Variants in FCSK observed in about 807,000 individuals in gnomAD.
FCSK encodes the protein L-fucose kinase.
FCSK carries 123 observed loss-of-function variants against 122.5 expected under a neutral mutation model. That is an observed-to-expected ratio of 1.00 (90% CI 0.87 to 1.17). The LOEUF (loss-of-function observed/expected upper bound fraction) is 1.17, where lower values mean the gene tolerates loss of function less well. Ranked by LOEUF, FCSK falls within the 50% of genes most tolerant of loss-of-function variation. FCSK has a pLI of 0.00. For synonymous variants in FCSK, 620 were observed against 625.5 expected (o/e 0.99, Z 0.13); for missense variants, 1,366 against 1,450.4 (o/e 0.94, Z 0.95).
chr16:70,457,970 A>G (rs2048141790), intron 1 of FCSK: 1 of 150,940 alleles, frequency 6.6e-6, no homozygotes, highest in Non-Finnish European at 1.5e-5. Flanking sequence ...GATCCAAAAG[A>G]CCCAGGTGTG....
At chr16:70,478,691 A>C (rs775025407) in intron 22 of FCSK, 41 bp downstream of exon 22, 3 of 1,546,666 alleles carry the variant, frequency 1.9e-6, no homozygotes, top group Non-Finnish European at 2.7e-6. Flanking sequence ...ACTGGGAGCG[A>C]GTATTCTGTC....
At chr16:70,469,663 C>T (rs1393074173) in intron 10 of FCSK, among the ~76,000 whole-genome samples, 1 of 152,152 alleles carries the variant, frequency 6.6e-6, no homozygotes, top group Non-Finnish European at 1.5e-5. Flanking sequence ...AAGCAATTCT[C>T]CTGCCTCAGC....
chr16:70,460,587 T>C (rs953580561), intron 1 of FCSK, among the ~76,000 whole-genome samples: 1 of 151,930 alleles, frequency 6.6e-6, no homozygotes, highest in Non-Finnish European at 1.5e-5. Context: ...GTATTTTTAT[T>C]AGAGACGGGG....
rs201537001 is a variant in FCSK at position 70,479,214 on chromosome 16, G to A, written c.2964G>A (p.Ser988=). 766 of 1,613,750 alleles carry A rather than the reference G, an allele frequency of 4.7e-4. 2 individuals carry two copies. Among genetic ancestry groups the A allele is most frequent in the Non-Finnish European group, 5.3e-4 (628 of 1,180,046 alleles). Residue 988 remains serine (S), a synonymous_variant, in exon 23 of 24, where the codon TCG becomes TCA. Coordinates refer to ENST00000288078, the MANE Select transcript of FCSK (RefSeq NM_145059.3). The part of the protein sequence containing the change: ...SLPLLGQCLT[S]YWEQKKLMAP... ...CTCTGCTGGGCCAGTGCCTGACCTC[G>A]TACTGGGAGCAGAAGAAGCTCATGG...
At chr16:70,460,878 A>G (rs1192827204) in intron 1 of FCSK, among the ~76,000 whole-genome samples, 1 of 152,172 alleles carries the variant, frequency 6.6e-6, no homozygotes, top group Non-Finnish European at 1.5e-5. Context: ...TCTGTTAGTT[A>G]CACTCCCTGC....
chr16:70,465,964 T>G (rs966847690), intron 4 of FCSK, among the ~76,000 whole-genome samples, 168 bp from the exon 5 acceptor site: 1 of 151,878 alleles, frequency 6.6e-6, no homozygotes, highest in Non-Finnish European at 1.5e-5. Context: ...AAAATTGCAG[T>G]GCAATGCAAT....
rs553675378 is a variant in FCSK at position 70,471,433 on chromosome 16, G to A, written c.1341+81G>A. 3.5e-5 allele frequency: 49 copies of A among 1,402,360 alleles called. 1 individual carries two copies. The Admixed American group carries it at 8.8e-4, about 25-fold the overall frequency. 86.9% of individuals were successfully genotyped at this position (1,402,360 alleles called of 1,614,324 possible). On this transcript the variant is annotated intron_variant, in intron 13 of 23. Coordinates refer to ENST00000288078, the MANE Select transcript of FCSK (RefSeq NM_145059.3). ...GGAGTCCTGGCCCCCACCCCACTGC[G>A]GGGTTCTCTGAGCACTGGCCCGTGG... is the stretch of plus-strand genomic sequence containing the variant.
chr16:70,462,177 T>C (rs2048287210), intron 1 of FCSK: 1 of 151,812 alleles, frequency 6.6e-6, no homozygotes, highest in Non-Finnish European at 1.5e-5. Flanking sequence ...TTTGAGGGTC[T>C]TGCTGTGTCA....
At chr16:70,476,603 G>A (rs902769470) in intron 20 of FCSK, among the ~76,000 whole-genome samples, 5 of 151,920 alleles carry the variant, frequency 3.3e-5, no homozygotes, top group African/African-American at 1.2e-4. Context: ...GCTACAGCTT[G>A]TCTGGTTTCA....
chr16:70,475,493 G>A lies in FCSK; in HGVS notation c.2521G>A (p.Gly841Ser), dbSNP rs781376107. The stretch of plus-strand genomic sequence containing the variant: ...TGAGCTGCCCCACGGCTCTGGCCTG[G>A]GTGAGCGGGCCCTGCCTCCTGCTAC... ...WSELPHGSGL[G>S]TSSILAGTAL... Residue 841 changes from glycine (G) to serine (S), a missense_variant and splice_region_variant, in exon 19 of 24, where the codon GGC becomes AGC. Physicochemically the swap from Gly to Ser is moderately conservative, Grantham distance 56 (BLOSUM62 0). Transcript: ENST00000288078. 1 of 1,601,670 alleles carries A rather than the reference G, an allele frequency of 6.2e-7. No homozygotes were observed. The highest frequency in any genetic ancestry group is 8.5e-7 in the Non-Finnish European group (1 of 1,177,546).
rs544413002 is a variant in FCSK at position 70,462,833 on chromosome 16, C to A, written c.-22-336C>A. On this transcript the variant is annotated intron_variant, in intron 1 of 23. Coordinates refer to ENST00000288078, the MANE Select transcript of FCSK (RefSeq NM_145059.3). Reference sequence around the variant, plus strand: ...CTAATTTTTGTATTTTTAGTAGAGACGGGGTTTCACCATGTTGGCCAGGCT... The same window carrying A: ...CTAATTTTTGTATTTTTAGTAGAGAAGGGGTTTCACCATGTTGGCCAGGCT... Among the ~76,000 whole-genome samples, 6 of 137,910 alleles carry A rather than the reference C, an allele frequency of 4.4e-5. No homozygotes were observed. The East Asian group carries it at 1.2e-3, about 27-fold the overall frequency. 90.5% of individuals were successfully genotyped at this position (137,910 alleles called of 152,430 possible).
chr16:70,467,404 G>C lies in FCSK; in HGVS notation c.515G>C (p.Arg172Thr), dbSNP rs372937279. The stretch of plus-strand genomic sequence containing the variant: ...AGCTGGGACAGCTTCCGGGGAGCCA[G>C]AGTGATCGCCCTCCCAGGGAGCCCG... ...GISWDSFRGA[R>T]VIALPGSPAY... The change falls in exon 7 of 24, where the codon AGA becomes ACA. Residue 172 changes from arginine to threonine, a missense_variant. Physicochemically the swap from Arg to Thr is moderately conservative, Grantham distance 71. Coordinates refer to ENST00000288078, the MANE Select transcript of FCSK (RefSeq NM_145059.3). 4.2e-5 allele frequency: 67 copies of C among 1,610,802 alleles called. No individual in the cohort carries two copies. Among genetic ancestry groups the C allele is most frequent in the Non-Finnish European group, 5.2e-5 (61 of 1,178,964 alleles).
intron 1 of FCSK, among the ~76,000 whole-genome samples, chr16:70,462,797 G>C (rs984397036): frequency 6.7e-6 from 1 of 149,480 alleles, no homozygotes; most frequent in Non-Finnish European, 1.5e-5. Context: ...GGCATGCCCC[G>C]CCACACCCGG....
chr16:70,471,898 C>T (rs1439988906), intron 13 of FCSK, among the ~76,000 whole-genome samples: 1 of 151,752 alleles, frequency 6.6e-6, no homozygotes, highest in Non-Finnish European at 1.5e-5. Context: ...CTCTGCCTCC[C>T]GGGTTCACGC....
chr16:70,472,778 A>G (rs1171620713), intron 14 of FCSK, among the ~76,000 whole-genome samples, 173 bp downstream of exon 14: 1 of 152,094 alleles, frequency 6.6e-6, no homozygotes, highest in African/African-American at 2.4e-5. Context: ...GGCAGCTCCC[A>G]GTCTCTGGCT....
Position 70,468,887 on chromosome 16 carries a change from G to C in FCSK, c.702G>C (p.Glu234Asp). The C allele has an allele frequency of 6.2e-7, 1 of 1,614,004 alleles. No homozygotes were observed. The highest frequency in any genetic ancestry group is 2.2e-5 in the East Asian group (1 of 44,864). Reference sequence around the variant, plus strand: ...TCTTCTTCTCTGTGGAGACTGCCGAGCGCCTCCTAGCCACCCACGTGAGCC... The same window carrying C: ...TCTTCTTCTCTGTGGAGACTGCCGACCGCCTCCTAGCCACCCACGTGAGCC... ...GVVFFSVETAERLLATHVSPP... is the reference protein window; with the variant it reads ...GVVFFSVETADRLLATHVSPP... Residue 234 changes from glutamate to aspartate, a missense_variant, in exon 9 of 24, where the codon GAG becomes GAC. Glu to Asp is a conservative substitution (Grantham distance 45). Coordinates refer to ENST00000288078, the MANE Select transcript of FCSK (RefSeq NM_145059.3).
Position 70,471,308 on chromosome 16 carries a change from C to G in FCSK, c.1297C>G (p.Pro433Ala). The change falls in exon 13 of 24, where the codon CCG (proline) becomes GCG (alanine). Residue 433 changes from proline (P) to alanine (A), a missense_variant. By Grantham distance (27) the Pro-to-Ala change is conservative. Coordinates refer to ENST00000288078, the MANE Select transcript of FCSK (RefSeq NM_145059.3). ...ACACCACACGCGGCTACACGGCTCC[C>G]CGGGCCACGCCTTCACCCTCGTTGG... ...QGHHTRLHGS[P>A]GHAFTLVGRL... 1 of 1,600,890 alleles carries G rather than the reference C, an allele frequency of 6.2e-7. No homozygotes were observed. The highest frequency in any genetic ancestry group is 8.5e-7 in the Non-Finnish European group (1 of 1,174,142).
intron 20 of FCSK, chr16:70,477,694 G>A (rs2048860007): frequency 6.5e-6 from 1 of 153,020 alleles, no homozygotes; most frequent in Admixed American, 6.5e-5. Flanking sequence ...CCCCTAGGAG[G>A]GGCAGAGGTC....
chr16:70,475,906 A>G (rs1486479469), intron 20 of FCSK, 139 bp downstream of exon 20: 11 of 913,432 alleles, frequency 1.2e-5, no homozygotes, highest in Non-Finnish European at 1.7e-5. Flanking sequence ...CTTTCCTTCT[A>G]GTCACTTTGA....
Sources: gnomAD v4.1 joint callset for allele counts (sites outside exome capture counted in the v4.1 genomes callset) on GRCh38, gnomAD v4.1.1 for gene constraint, MANE v1.5 for transcripts, NCBI Gene and HGNC (gene_info 2026-07-23, HGNC 2026-07-21) for gene names.